SHISA9: variants seen among roughly 807,000 people sequenced by gnomAD.
SHISA9 encodes shisa family member 9, also known as protein shisa-9.
Under a neutral mutation model 38.0 loss-of-function variants are expected in SHISA9, and 13 were observed. The ratio of observed to expected loss-of-function variants is 0.34; its 90% CI spans 0.22 to 0.54. The LOEUF (loss-of-function observed/expected upper bound fraction) is 0.54, where lower values mean the gene tolerates loss of function less well. Among genes scored for constraint, SHISA9 ranks in the 20% least tolerant of loss-of-function variants. SHISA9 has a pLI of 0.91. For synonymous variants in SHISA9, 275 were observed against 242.0 expected (o/e 1.14, Z -1.27); for missense variants, 538 against 575.8 (o/e 0.93, Z 0.67).
At chr16:13,331,814 G>C in the SHISA9 span, 1 of 152,108 alleles carries the variant, frequency 6.6e-6, no homozygotes, top group African/African-American at 2.4e-5. Context: ...TTTCCTATCT[G>C]GAAAGTGGAA....
intron 2 of SHISA9, among the ~76,000 whole-genome samples, chr16:13,001,501 T>G (rs1468612551): frequency 6.6e-6 from 1 of 152,170 alleles, no homozygotes; most frequent in Non-Finnish European, 1.5e-5. Flanking sequence ...CTAGAGAATT[T>G]AAAATTGCAA....
chr16:13,456,558 G>A, the SHISA9 span, among the ~76,000 whole-genome samples: 56 of 152,294 alleles, frequency 3.7e-4, no homozygotes, highest in East Asian at 2.3e-3. Context: ...CTTTGCCCTT[G>A]GCTACTGGGA....
At chr16:13,197,104 TACACACACACACAC>T (rs58365720) in intron 2 of SHISA9, among the ~76,000 whole-genome samples, 1 of 106,494 alleles carries the variant, frequency 9.4e-6, no homozygotes, top group Non-Finnish European at 1.9e-5. Flanking sequence ...TCTCTGTACA[TACACACACACACAC>T]ACACACACAC....
chr16:13,304,167 A>G, the SHISA9 span, among the ~76,000 whole-genome samples: 2 of 152,226 alleles, frequency 1.3e-5, no homozygotes, highest in Non-Finnish European at 2.9e-5. Flanking sequence ...TTGTGCAACA[A>G]TGAACTATTC....
At chr16:13,108,122 C>A (rs900131327) in intron 2 of SHISA9, among the ~76,000 whole-genome samples, 1 of 149,696 alleles carries the variant, frequency 6.7e-6, no homozygotes, top group East Asian at 2.0e-4. Flanking sequence ...CAAAGAGAGC[C>A]CCCCTCCGGC....
intron 2 of SHISA9, among the ~76,000 whole-genome samples, chr16:13,095,749 CA>C (rs2073819009): frequency 6.6e-6 from 1 of 152,234 alleles, no homozygotes; most frequent in Non-Finnish European, 1.5e-5. Context: ...CACATACTAT[CA>C]GGCACCTTGT....
At chr16:13,190,181 T>A (rs1463147081) in intron 2 of SHISA9, among the ~76,000 whole-genome samples, 7 of 151,600 alleles carry the variant, frequency 4.6e-5, no homozygotes, top group Admixed American at 4.6e-4. Flanking sequence ...CTGCACCCAC[T>A]AACTTGTCAT....
At chr16:13,091,373 G>A (rs1034940818) in intron 2 of SHISA9, among the ~76,000 whole-genome samples, 5 of 152,122 alleles carry the variant, frequency 3.3e-5, no homozygotes, top group Admixed American at 6.5e-5. Flanking sequence ...GAGTTCTCCT[G>A]GATAATATCC....
chr16:13,348,606 A>AGTCTCC, the SHISA9 span, among the ~76,000 whole-genome samples: 1 of 151,664 alleles, frequency 6.6e-6, no homozygotes, highest in African/African-American at 2.4e-5. Context: ...AGTCCCACTT[A>AGTCTCC]ACCAACCACA....
chr16:13,486,200 A>G, the SHISA9 span, among the ~76,000 whole-genome samples: 1 of 152,218 alleles, frequency 6.6e-6, no homozygotes, highest in African/African-American at 2.4e-5. Flanking sequence ...GACTTGGAAC[A>G]TGTTGGTATG....
chr16:13,359,267 G>A, the SHISA9 span, among the ~76,000 whole-genome samples: 1 of 152,106 alleles, frequency 6.6e-6, no homozygotes, highest in African/African-American at 2.4e-5. Context: ...GATCATTTGA[G>A]GTCAGGAGTT....
intron 2 of SHISA9, among the ~76,000 whole-genome samples, chr16:13,094,251 G>A (rs2073804033): frequency 6.6e-6 from 1 of 152,098 alleles, no homozygotes; most frequent in African/African-American, 2.4e-5. Flanking sequence ...CCTCGAAACT[G>A]CATAAAACAG....
chr16:13,423,707 A>G, the SHISA9 span, among the ~76,000 whole-genome samples: 1 of 152,164 alleles, frequency 6.6e-6, no homozygotes. Flanking sequence ...GCTAAAATAG[A>G]GGTGTCAGTA....
At chr16:13,043,055 C>G (rs893153658) in intron 2 of SHISA9, among the ~76,000 whole-genome samples, 1 of 152,318 alleles carries the variant, frequency 6.6e-6, no homozygotes, top group Middle Eastern at 3.4e-3. Flanking sequence ...GGTGCCTGGA[C>G]AGCAGTTGGA....
At chr16:13,135,221 A>C (rs2050338759) in intron 2 of SHISA9, among the ~76,000 whole-genome samples, 1 of 152,210 alleles carries the variant, frequency 6.6e-6, no homozygotes, top group Non-Finnish European at 1.5e-5. Context: ...GTGAGGAGCA[A>C]ATGTATCAGC....
At chr16:13,196,885 G>C (rs939125889) in intron 2 of SHISA9, among the ~76,000 whole-genome samples, 1 of 152,202 alleles carries the variant, frequency 6.6e-6, no homozygotes, top group Non-Finnish European at 1.5e-5. Flanking sequence ...CCTGAGGTCA[G>C]GAGTTCAGGA....
chr16:13,399,444 C>A, the SHISA9 span, among the ~76,000 whole-genome samples: 2 of 152,084 alleles, frequency 1.3e-5, no homozygotes, highest in African/African-American at 4.8e-5. Flanking sequence ...TTTGTTCTAC[C>A]ACAGAACTAC....
chr16:13,006,351 G>A (rs2072597962), intron 2 of SHISA9, among the ~76,000 whole-genome samples: 1 of 152,084 alleles, frequency 6.6e-6, no homozygotes, highest in African/African-American at 2.4e-5. Context: ...AGTCTAGAGG[G>A]AGGAGAAGGG....
chr16:13,002,987 A>T (rs906973368), intron 2 of SHISA9, among the ~76,000 whole-genome samples: 1 of 152,222 alleles, frequency 6.6e-6, no homozygotes, highest in African/African-American at 2.4e-5. Context: ...TGGGAAGGCC[A>T]TCAAAAAAAA....
Sources: allele counts gnomAD v4.1 joint callset (sites outside exome capture counted in the v4.1 genomes callset), GRCh38; gene constraint gnomAD v4.1.1; transcripts MANE v1.5; gene names NCBI Gene and HGNC (gene_info 2026-07-23, HGNC 2026-07-21).